Variants in MID1 observed in about 807,000 individuals in gnomAD.
MID1 encodes midline 1.
Under a neutral mutation model 40.4 loss-of-function variants are expected in MID1, and 7 were observed. That is an observed-to-expected ratio of 0.17 (90% CI 0.10 to 0.33). The LOEUF (loss-of-function observed/expected upper bound fraction) is 0.33. MID1 is among the 10% of genes least tolerant of loss of function. The pLI is 1.00. For synonymous variants in MID1, 229 were observed against 221.2 expected (o/e 1.04, Z -0.31); for missense variants, 367 against 558.5 (o/e 0.66, Z 3.46).
intron 1 of MID1, among the ~76,000 whole-genome samples, chrX:10,670,773 A>T (rs2042982888): frequency 8.9e-6 from 1 of 112,427 alleles, no homozygotes; most frequent in Non-Finnish European, 1.9e-5. Flanking sequence ...ATGCAAGTGC[A>T]TAACACATTA....
chrX:10,679,640 C>T (rs759555770), intron 1 of MID1, among the ~76,000 whole-genome samples: 1 of 111,886 alleles, frequency 8.9e-6, no homozygotes, highest in Non-Finnish European at 1.9e-5. Flanking sequence ...CTCTCTGGCC[C>T]TTTCCACAAA....
At chrX:10,733,618 C>A (rs537840658) in intron 1 of MID1, among the ~76,000 whole-genome samples, 1 of 110,764 alleles carries the variant, frequency 9.0e-6, no homozygotes, top group African/African-American at 3.3e-5. Flanking sequence ...TATAAAGTAC[C>A]CTTAAAATTC....
intron 1 of MID1, among the ~76,000 whole-genome samples, chrX:10,792,856 T>C (rs772122246): frequency 8.9e-6 from 1 of 111,860 alleles, no homozygotes; most frequent in African/African-American, 3.2e-5. Context: ...AACCACTGAA[T>C]TGTACACTTT....
intron 1 of MID1, among the ~76,000 whole-genome samples, chrX:10,808,494 G>T (rs2044063992): frequency 9.1e-6 from 1 of 110,268 alleles, no homozygotes. Context: ...TCTCTATGGA[G>T]CTTCTCTCTC....
intron 7 of MID1, among the ~76,000 whole-genome samples, chrX:10,468,543 T>C (rs1929513772): frequency 8.9e-6 from 1 of 112,552 alleles, no homozygotes; most frequent in Non-Finnish European, 1.9e-5. Flanking sequence ...TTTTGACATA[T>C]TGTATTTTTC....
At chrX:10,537,913 C>T (rs1234350062) in intron 2 of MID1, among the ~76,000 whole-genome samples, 1 of 112,108 alleles carries the variant, frequency 8.9e-6, no homozygotes, top group Non-Finnish European at 1.9e-5. Context: ...TTAAACTCAA[C>T]TGTCTTAAAT....
At chrX:10,627,771 G>A (rs1438980793) in intron 1 of MID1, among the ~76,000 whole-genome samples, 1 of 111,908 alleles carries the variant, frequency 8.9e-6, no homozygotes, top group African/African-American at 3.2e-5. Flanking sequence ...TTTTTTGTAT[G>A]TTAGAAACAA....
chrX:10,482,896 C>T (rs1930418132), intron 4 of MID1, among the ~76,000 whole-genome samples: 1 of 112,053 alleles, frequency 8.9e-6, no homozygotes, highest in African/African-American at 3.2e-5. Flanking sequence ...AAAGGTGTTG[C>T]CCAGTGGCAA....
chrX:10,488,827 C>A (rs1165409189), intron 4 of MID1, among the ~76,000 whole-genome samples: 1 of 111,450 alleles, frequency 9.0e-6, no homozygotes, highest in Non-Finnish European at 1.9e-5. Context: ...CATCTTTCTC[C>A]CATGCTGGAT....
chrX:10,587,377 C>T (rs1935164017), intron 1 of MID1, among the ~76,000 whole-genome samples: 1 of 113,100 alleles, frequency 8.8e-6, no homozygotes, highest in African/African-American at 3.2e-5. Context: ...TGCTAAGTTT[C>T]CTCCCTGTCG....
chrX:10,621,485 C>T (rs1407563970), upstream of MID1, among the ~76,000 whole-genome samples: 1 of 112,236 alleles, frequency 8.9e-6, no homozygotes, highest in African/African-American at 3.2e-5. Flanking sequence ...CAAGAAAGTG[C>T]AAGTTGAGCA....
chrX:10,811,185 TG>T (rs1417877089), intron 1 of MID1, among the ~76,000 whole-genome samples: 2 of 112,138 alleles, frequency 1.8e-5, no homozygotes, highest in African/African-American at 3.2e-5. Context: ...GAGATGTATT[TG>T]TACTGACTCA....
intron 1 of MID1, among the ~76,000 whole-genome samples, chrX:10,828,574 T>C (rs1345475902): frequency 1.8e-5 from 2 of 112,193 alleles, no homozygotes; most frequent in Non-Finnish European, 3.8e-5. Context: ...AGACGTAGAT[T>C]GCTAGAGAAG....
chrX:10,501,406 C>CCTT (rs1239697818), intron 3 of MID1: 3 of 1,152,940 alleles, frequency 2.6e-6, no homozygotes, highest in Non-Finnish European at 3.4e-6. Context: ...TCAGCACATA[C>CCTT]CTTCTCTACA....
intron 5 of MID1, chrX:10,475,092 G>C: frequency 2.9e-6 from 1 of 342,281 alleles, no homozygotes; most frequent in South Asian, 2.6e-5. Context: ...AGCAAGAAGC[G>C]CGTAGCTCTA....
At chrX:10,531,919 A>C (rs1285906743) in intron 2 of MID1, among the ~76,000 whole-genome samples, 1 of 112,364 alleles carries the variant, frequency 8.9e-6, no homozygotes, top group African/African-American at 3.2e-5. Flanking sequence ...AATGGATATC[A>C]CATGAAGCTA....
At chrX:10,786,653 T>C (rs1449399645) in intron 1 of MID1, among the ~76,000 whole-genome samples, 1 of 110,559 alleles carries the variant, frequency 9.0e-6, no homozygotes, top group Admixed American at 9.7e-5. Flanking sequence ...AAGGATGAGT[T>C]CATGTCATTT....
chrX:10,501,315 T>C, intron 3 of MID1: 1 of 882,019 alleles, frequency 1.1e-6, no homozygotes, highest in Non-Finnish European at 1.6e-6. Flanking sequence ...AGTACACTCA[T>C]GAGCAAATAT....
intron 1 of MID1, among the ~76,000 whole-genome samples, chrX:10,803,964 CT>C (rs202163760): frequency 0.032 from 3,524 of 110,491 alleles, 156 homozygotes; most frequent in African/African-American, 0.11. Flanking sequence ...TTTTAATTCT[CT>C]TTTTTTGGTT....
Sources: gnomAD v4.1 joint callset for allele counts (sites outside exome capture counted in the v4.1 genomes callset) on GRCh38, gnomAD v4.1.1 for gene constraint, MANE v1.5 for transcripts, NCBI Gene and HGNC (gene_info 2026-07-23, HGNC 2026-07-21) for gene names.